EPSTI1: variants seen among roughly 807,000 people sequenced by gnomAD.
The protein encoded by EPSTI1 is epithelial-stromal interaction protein 1.
EPSTI1 carries 66 observed loss-of-function variants against 49.9 expected under a neutral mutation model. The observed-to-expected ratio is 1.32, with a 90% CI of 1.08 to 1.62. The LOEUF (loss-of-function observed/expected upper bound fraction) is 1.62, where lower values mean the gene tolerates loss of function less well. Among genes scored for constraint, EPSTI1 ranks in the 40% most tolerant of loss-of-function variants. The pLI, the probability that EPSTI1 is intolerant of heterozygous loss-of-function variation, is 0.00. For missense variants in EPSTI1, 394 were observed against 365.5 expected, an observed-to-expected ratio of 1.08 and a Z score of -0.64; for synonymous variants, 137 against 130.7, an observed-to-expected ratio of 1.05 and a Z score of -0.33.
intron 8 of EPSTI1, among the ~76,000 whole-genome samples, chr13:42,911,272 C>A (rs539685641): frequency 7.9e-6 from 1 of 126,930 alleles, no homozygotes; most frequent in East Asian, 2.6e-4. Context: ...TGTGCGCGCG[C>A]ACGCGCGCAC....
chr13:42,911,242 A>T (rs1447000718), intron 8 of EPSTI1, among the ~76,000 whole-genome samples: 4 of 122,070 alleles, frequency 3.3e-5, no homozygotes, highest in Non-Finnish European at 6.9e-5. Context: ...GGAGAGAGAG[A>T]GAGTGTGTGT....
intron 8 of EPSTI1, among the ~76,000 whole-genome samples, chr13:42,901,941 C>T (rs2037371191): frequency 6.7e-6 from 1 of 149,324 alleles, no homozygotes; most frequent in Non-Finnish European, 1.5e-5. Context: ...CAACAGTCCC[C>T]AGAGTGTGAT....
chr13:42,950,684 T>C (rs967860250), intron 6 of EPSTI1, among the ~76,000 whole-genome samples: 2 of 152,242 alleles, frequency 1.3e-5, no homozygotes, highest in African/African-American at 4.8e-5. Context: ...ATTCCTGGTT[T>C]GCTGTATGAA....
intron 4 of EPSTI1, chr13:42,963,636 G>A: frequency 2.9e-6 from 1 of 347,190 alleles, no homozygotes; most frequent in South Asian, 7.2e-5. Context: ...TGTGTATTGG[G>A]GAGGGAAAAG....
intron 7 of EPSTI1, among the ~76,000 whole-genome samples, chr13:42,918,109 A>G (rs979934526): frequency 6.6e-6 from 1 of 152,224 alleles, no homozygotes; most frequent in East Asian, 1.9e-4. Context: ...TCAAGGATGC[A>G]TATTTTCTAA....
chr13:42,985,760 G>T (rs747955237), intron 1 of EPSTI1, among the ~76,000 whole-genome samples: 1 of 152,134 alleles, frequency 6.6e-6, no homozygotes, highest in Non-Finnish European at 1.5e-5. Flanking sequence ...ATCCAACCGG[G>T]CTTGCAGCAG....
chr13:42,917,670 G>A, intron 7 of EPSTI1, 46 bp from the exon 8 acceptor site: 1 of 1,280,036 alleles, frequency 7.8e-7, no homozygotes. Flanking sequence ...CAACTTGATA[G>A]GATAAAGGGT....
chr13:42,924,298 T>C (rs1544296), intron 7 of EPSTI1, among the ~76,000 whole-genome samples: 28,518 of 152,138 alleles, frequency 0.19, 2,776 homozygotes, highest in African/African-American at 0.22. Context: ...GGGTCCAATC[T>C]CCCTCCATAT....
intron 10 of EPSTI1, among the ~76,000 whole-genome samples, chr13:42,889,972 T>C (rs1464752527): frequency 6.6e-5 from 10 of 152,204 alleles, no homozygotes; most frequent in Non-Finnish European, 2.9e-5. Context: ...ATGTAAGTAC[T>C]CAATTGTCCC....
At chr13:42,917,143 T>C (rs1365208324) in intron 8 of EPSTI1, among the ~76,000 whole-genome samples, 1 of 152,220 alleles carries the variant, frequency 6.6e-6, no homozygotes, top group African/African-American at 2.4e-5. Flanking sequence ...GCCAGTTTCA[T>C]AACTTTGCAT....
chr13:42,943,780 A>T (rs916505137), intron 6 of EPSTI1, among the ~76,000 whole-genome samples: 9 of 152,234 alleles, frequency 5.9e-5, no homozygotes, highest in Non-Finnish European at 1.2e-4. Flanking sequence ...CCACCTGACA[A>T]AGGGCTAATA....
intron 9 of EPSTI1, among the ~76,000 whole-genome samples, chr13:42,899,971 TG>T (rs757438867): frequency 3.9e-4 from 60 of 152,318 alleles, no homozygotes; most frequent in Non-Finnish European, 6.8e-4. Flanking sequence ...AGTCTATAAA[TG>T]GTAGACTATC....
At chr13:42,936,377 A>G (rs74426830) in intron 6 of EPSTI1, among the ~76,000 whole-genome samples, 2 of 152,224 alleles carry the variant, frequency 1.3e-5, no homozygotes, top group Non-Finnish European at 2.9e-5. Context: ...CGTAAGTCCA[A>G]TTCAATCAAG....
intron 1 of EPSTI1, among the ~76,000 whole-genome samples, chr13:42,987,576 C>A (rs902897256): frequency 7.4e-6 from 1 of 135,170 alleles, no homozygotes; most frequent in East Asian, 1.9e-4. Context: ...GGTTTTTTTG[C>A]GATTTTTTTT....
intron 8 of EPSTI1, among the ~76,000 whole-genome samples, chr13:42,912,293 A>T (rs890650904): frequency 2.0e-5 from 3 of 152,142 alleles, no homozygotes; most frequent in Admixed American, 6.5e-5. Flanking sequence ...CAGTTAGAAA[A>T]CTGCACTAAG....
rs141890881 is a variant in EPSTI1, at chr13:42,948,880, G to A, written c.563+5068C>T. Among the ~76,000 whole-genome samples, 420 of 152,268 alleles carry A rather than the reference G, an allele frequency of 2.8e-3. 2 individuals are homozygous for A. The highest frequency in any genetic ancestry group is 9.6e-3 in the African/African-American group (400 of 41,560). ...TGTTACATTTAATGTGTAAACAGGA[G>A]ATAAAATCCCAAGCCCCCCAACAGA... On this transcript the variant is annotated intron_variant, in intron 6 of 10. Coordinates refer to ENST00000313624, the MANE Select transcript of EPSTI1 (RefSeq NM_033255.5).
intron 1 of EPSTI1, among the ~76,000 whole-genome samples, chr13:42,971,923 T>G (rs1431132243): frequency 6.6e-6 from 1 of 152,194 alleles, no homozygotes; most frequent in Non-Finnish European, 1.5e-5. Flanking sequence ...GCATACAACG[T>G]TATGAATACA....
At chr13:42,974,642 G>A (rs2039844946) in intron 1 of EPSTI1, among the ~76,000 whole-genome samples, 10 of 148,792 alleles carry the variant, frequency 6.7e-5, no homozygotes. Context: ...CTGGGCGACA[G>A]AGCAAGACTC....
chr13:42,926,860 C>T (rs531692593), intron 6 of EPSTI1, among the ~76,000 whole-genome samples: 1 of 152,092 alleles, frequency 6.6e-6, no homozygotes, highest in African/African-American at 2.4e-5. Context: ...AAGCCCTTTA[C>T]CCTCTCATCT....
Sources: gnomAD v4.1 joint callset for allele counts (sites outside exome capture counted in the v4.1 genomes callset) on GRCh38, gnomAD v4.1.1 for gene constraint, MANE v1.5 for transcripts, NCBI Gene and HGNC (gene_info 2026-07-23, HGNC 2026-07-21) for gene names.